Variants in NEDD4 observed in about 807,000 individuals in gnomAD.
NEDD4 encodes the protein E3 ubiquitin-protein ligase NEDD4.
Under a neutral mutation model 144.9 loss-of-function variants are expected in NEDD4, and 99 were observed. The observed-to-expected ratio is 0.68, with a 90% CI of 0.58 to 0.81. The LOEUF (loss-of-function observed/expected upper bound fraction) is 0.81. Ranked by LOEUF, NEDD4 falls within the 30% of genes least tolerant of loss-of-function variation. The pLI is 0.00. For missense variants in NEDD4, 985 were observed against 1,065.9 expected, an observed-to-expected ratio of 0.92 and a Z score of 1.06; for synonymous variants, 318 against 350.6, an observed-to-expected ratio of 0.91 and a Z score of 1.04.
chr15:55,875,293 CA>C (rs2034955973), intron 5 of NEDD4, among the ~76,000 whole-genome samples: 2 of 152,208 alleles, frequency 1.3e-5, no homozygotes, highest in African/African-American at 4.8e-5. Context: ...AAAAATGAAT[CA>C]AATGCACATT....
chr15:55,899,457 T>C (rs1201344192), intron 5 of NEDD4, among the ~76,000 whole-genome samples: 1 of 152,190 alleles, frequency 6.6e-6, no homozygotes, highest in East Asian at 1.9e-4. Flanking sequence ...CTATAACATA[T>C]CAATGAAAAC....
chr15:55,840,326 C>A, intron 21 of NEDD4, 121 bp downstream of exon 21: 2 of 898,188 alleles, frequency 2.2e-6, no homozygotes, highest in Non-Finnish European at 3.3e-6. Flanking sequence ...GGAAAAAGTT[C>A]ATTTGTATTT....
rs569054002 is a variant in NEDD4, at chr15:55,904,052, C to T, written c.291+20594G>A. ...TGGCGGGCACCAGTAATCCCAGCTA[C>T]TTCGGAGGCTGGGGCAGGAGAATCG... On this transcript the variant is annotated intron_variant, in intron 5 of 28. Transcript: ENST00000435532. Among the ~76,000 whole-genome samples the T allele has an allele frequency of 3.9e-5, 6 of 151,980 alleles. No homozygotes were observed. The South Asian group carries it at 1.0e-3, about 26-fold the overall frequency.
At chr15:55,977,538 C>T (rs2037726295) in intron 1 of NEDD4, among the ~76,000 whole-genome samples, 1 of 152,084 alleles carries the variant, frequency 6.6e-6, no homozygotes, top group African/African-American at 2.4e-5. Context: ...ATTAACACAA[C>T]ACAAAAAACT....
intron 28 of NEDD4, 44 bp downstream of exon 28, chr15:55,830,470 A>C (rs2032896014): frequency 6.5e-7 from 1 of 1,544,186 alleles, no homozygotes; most frequent in Admixed American, 1.7e-5. Flanking sequence ...GAGGAATCTC[A>C]CTCTCTGAGG....
chr15:55,830,148 CT>C (rs2032878875), intron 28 of NEDD4, 149 bp from the exon 29 acceptor site: 1 of 637,962 alleles, frequency 1.6e-6, no homozygotes, highest in South Asian at 2.0e-5. Flanking sequence ...AGACGTAGGA[CT>C]GGGTTCTGGG....
At chr15:55,938,734 T>C (rs1217029764) in intron 4 of NEDD4, among the ~76,000 whole-genome samples, 1 of 151,482 alleles carries the variant, frequency 6.6e-6, no homozygotes, top group Non-Finnish European at 1.5e-5. Context: ...TCTCCAAACT[T>C]CAAAATTACA....
chr15:55,861,679 A>T (rs1349470894), intron 9 of NEDD4, among the ~76,000 whole-genome samples: 3 of 152,132 alleles, frequency 2.0e-5, no homozygotes, highest in Non-Finnish European at 4.4e-5. Flanking sequence ...CTAGGGACCC[A>T]CAGAAATTAA....
Position 55,960,269 on chromosome 15 carries a change from T to G in NEDD4, c.119+6204A>C, listed in dbSNP as rs145932819. Among the ~76,000 whole-genome samples the G allele has an allele frequency of 5.7e-3, 868 of 152,262 alleles. 9 individuals are homozygous for G. Among genetic ancestry groups the G allele is most frequent in the African/African-American group, 0.02 (812 of 41,558 alleles). On this transcript the variant is annotated intron_variant, in intron 2 of 28. Transcript: ENST00000435532. ...AGGGTGTTGCCAAAGGAGATTAACA[T>G]TTGAATCAGTGGACTGGGAGAGGCA...
chr15:55,927,668 T>C (rs2036700905), intron 4 of NEDD4, among the ~76,000 whole-genome samples: 1 of 152,114 alleles, frequency 6.6e-6, no homozygotes, highest in Non-Finnish European at 1.5e-5. Context: ...GGTAGGGGGA[T>C]CAAAGCAGTT....
chr15:55,894,839 T>G (rs1195714872), intron 5 of NEDD4, among the ~76,000 whole-genome samples: 2 of 152,192 alleles, frequency 1.3e-5, no homozygotes, highest in Non-Finnish European at 2.9e-5. Flanking sequence ...AATCAGAGGT[T>G]GTGTCCGTAT....
chr15:55,930,897 T>G (rs1367468905), intron 4 of NEDD4, among the ~76,000 whole-genome samples: 1 of 152,214 alleles, frequency 6.6e-6, no homozygotes, highest in Non-Finnish European at 1.5e-5. Context: ...CCATTAAACC[T>G]CTTTCCTTTA....
rs188280432 is a variant in NEDD4 at position 55,889,918 on chromosome 15, G to A, written c.292-15910C>T. 1.2e-3 allele frequency among the ~76,000 whole-genome samples: 181 copies of A among 152,140 alleles called. 1 individual carries two copies. In the Middle Eastern group the frequency reaches 0.027, roughly 23 times the overall value. On this transcript the variant is annotated intron_variant, in intron 5 of 28. Coordinates refer to ENST00000435532, the MANE Select transcript of NEDD4 (RefSeq NM_006154.4). ...GGGTTTCACTGTGTTGCCCAGGCTG[G>A]TCTCAAACTCCTGAGCTCAGGCAAT...
intron 8 of NEDD4, 38 bp downstream of exon 8, chr15:55,869,541 A>C (rs768135005): frequency 1.6e-6 from 2 of 1,272,928 alleles, no homozygotes; most frequent in Non-Finnish European, 2.2e-6. Context: ...AAGAAATTAA[A>C]ATTTTTTTAG....
At chr15:55,839,985 AAAAAAAAAAAAAAAATATATAT>A (rs1461549414) in intron 21 of NEDD4, among the ~76,000 whole-genome samples, 9 of 49,574 alleles carry the variant, frequency 1.8e-4, no homozygotes, top group African/African-American at 7.5e-4. Context: ...AAAAAAAAAA[AAAAAAAAAAAAAAAATATATAT>A]ATATATATAT....
rs111786740 is a variant in NEDD4, at chr15:55,905,352, A to G, written c.291+19294T>C. The stretch of plus-strand genomic sequence containing the variant: ...AACAAATTGACCTCAGAGAGAAGAC[A>G]CTAACAATTGGGGGGTTTCCCAACA... On this transcript the variant is annotated intron_variant, in intron 5 of 28. Coordinates refer to ENST00000435532, the MANE Select transcript of NEDD4 (RefSeq NM_006154.4). 1.8e-5 allele frequency: 8 copies of G among 449,286 alleles called. 2 individuals carry two copies. The highest frequency in any genetic ancestry group is 1.0e-4 in the African/African-American group (5 of 49,762). The allele number at this position is 449,286 out of a possible 1,614,324, so 27.8% of individuals were successfully genotyped here. A position where few individuals can be genotyped will look rare whatever the true frequency, so the allele number is the denominator to read the frequency against.
At chr15:55,931,497 A>T (rs1301847881) in intron 4 of NEDD4, among the ~76,000 whole-genome samples, 1 of 152,238 alleles carries the variant, frequency 6.6e-6, no homozygotes, top group East Asian at 1.9e-4. Context: ...ATGATATTTT[A>T]AGGAAAGGCA....
intron 2 of NEDD4, among the ~76,000 whole-genome samples, chr15:55,961,479 A>G (rs2037425840): frequency 6.6e-6 from 1 of 151,836 alleles, no homozygotes; most frequent in Admixed American, 6.6e-5. Context: ...TATTATTATT[A>G]TTATTATTTG....
intron 7 of NEDD4, among the ~76,000 whole-genome samples, chr15:55,871,824 A>G (rs1186933596): frequency 1.3e-5 from 2 of 152,196 alleles, no homozygotes; most frequent in African/African-American, 4.8e-5. Flanking sequence ...CAGTAAATCC[A>G]CACACGTTTT....
Sources: allele counts gnomAD v4.1 joint callset (sites outside exome capture counted in the v4.1 genomes callset), GRCh38; gene constraint gnomAD v4.1.1; transcripts MANE v1.5; gene names NCBI Gene and HGNC (gene_info 2026-07-23, HGNC 2026-07-21).